PTPRG: variants seen among roughly 807,000 people sequenced by gnomAD.
PTPRG encodes protein tyrosine phosphatase receptor type G.
In PTPRG, 102 loss-of-function variants were observed where a neutral mutation model predicts 165.3. The ratio of observed to expected loss-of-function variants is 0.62; its 90% confidence interval spans 0.53 to 0.73. The LOEUF is 0.73. PTPRG is among the 30% of genes least tolerant of loss of function. The probability of loss-of-function intolerance (pLI) is 0.00; values close to 1 mark genes in which losing one functional copy is unlikely to be tolerated. For synonymous variants in PTPRG, 675 were observed against 669.5 expected (o/e 1.01, Z -0.13); for missense variants, 1,866 against 1,861.4 (o/e 1.00, Z -0.05).
chr3:61,746,773 G>T (rs1185730137), intron 1 of PTPRG, among the ~76,000 whole-genome samples: 1 of 152,146 alleles, frequency 6.6e-6, no homozygotes, highest in Admixed American at 6.5e-5. Context: ...GCTGTCCAAT[G>T]CGTGATACAC....
rs2106888610 is a variant in PTPRG at position 62,219,765 on chromosome 3, C to T, written c.2288+782C>T. ...TCTTTCCATTCACTCAATTTTGAGCCCACACTTTGTGCCAGTCTTCTAGAC... is the reference window on the plus strand; with the variant it reads ...TCTTTCCATTCACTCAATTTTGAGCTCACACTTTGTGCCAGTCTTCTAGAC... On this transcript the variant is annotated intron_variant, in intron 13 of 29. Coordinates refer to ENST00000474889, the MANE Select transcript of PTPRG (RefSeq NM_002841.4). This position sits in a 1 kb window ranked among gnomAD's most constrained non-coding sequence, Gnocchi z 4.5. Among the ~76,000 whole-genome samples, 1 of 152,314 alleles carries T rather than the reference C, an allele frequency of 6.6e-6. No individual in the cohort carries two copies. The highest frequency in any genetic ancestry group is 2.4e-5 in the African/African-American group (1 of 41,568).
chr3:62,138,622 G>A (rs1486360005), intron 6 of PTPRG, among the ~76,000 whole-genome samples: 1 of 150,364 alleles, frequency 6.7e-6, no homozygotes, highest in Non-Finnish European at 1.5e-5. Context: ...GGGAGGCTGA[G>A]GCAGGAGAAT....
At chr3:61,746,865 C>G (rs1322588575) in intron 1 of PTPRG, among the ~76,000 whole-genome samples, 1 of 152,136 alleles carries the variant, frequency 6.6e-6, no homozygotes, top group Non-Finnish European at 1.5e-5. Context: ...CACTAAAAAG[C>G]ACTAGGGCTG....
rs116923774 is a variant in PTPRG at position 61,878,783 on chromosome 3, C to T, written c.191-110842C>T. ...CCTCCCAAAGTGCTTGCATTACAGG[C>T]ATAAGCCACTGTGCCTGGCCCCCAG... On this transcript the variant is annotated intron_variant, in intron 2 of 29. Coordinates refer to ENST00000474889, the MANE Select transcript of PTPRG (RefSeq NM_002841.4). Among the ~76,000 whole-genome samples, 86 of 152,290 alleles carry T rather than the reference C, an allele frequency of 5.6e-4. 1 individual carries two copies. The East Asian group carries it at 6.9e-3, about 12-fold the overall frequency.
At chr3:61,823,669 T>C (rs1044779639) in intron 2 of PTPRG, among the ~76,000 whole-genome samples, 2 of 152,214 alleles carry the variant, frequency 1.3e-5, no homozygotes, top group Non-Finnish European at 2.9e-5. Context: ...TTTTGTAGAC[T>C]AGCTTAATAA....
At chr3:61,767,240 C>CAAAAAAAAAAAA (rs71100976) in intron 2 of PTPRG, among the ~76,000 whole-genome samples, 3 of 111,548 alleles carry the variant, frequency 2.7e-5, no homozygotes, top group African/African-American at 6.8e-5. Flanking sequence ...GATTCCATCT[C>CAAAAAAAAAAAA]AAAAAAAAAA....
intron 4 of PTPRG, among the ~76,000 whole-genome samples, chr3:62,069,186 G>C (rs1187982220): frequency 6.6e-6 from 1 of 152,182 alleles, no homozygotes; most frequent in Non-Finnish European, 1.5e-5. Context: ...TGTTTCATCA[G>C]TTTTTACTTC....
At chr3:61,736,944 G>C (rs993679256) in intron 1 of PTPRG, among the ~76,000 whole-genome samples, 5 of 152,120 alleles carry the variant, frequency 3.3e-5, no homozygotes, top group Non-Finnish European at 5.9e-5. Context: ...TGCCATGTTG[G>C]TTCTTCATTG....
chr3:62,085,756 G>A (rs1367914971), intron 5 of PTPRG, among the ~76,000 whole-genome samples: 1 of 151,952 alleles, frequency 6.6e-6, no homozygotes, highest in Admixed American at 6.6e-5. Context: ...AGATTTTCTT[G>A]CTTATGTATT....
chr3:62,150,197 A>C (rs1416659332), intron 6 of PTPRG, among the ~76,000 whole-genome samples: 1 of 152,256 alleles, frequency 6.6e-6, no homozygotes, highest in African/African-American at 2.4e-5. Flanking sequence ...AGCAGCCGTG[A>C]ATGGAGTAAT....
At chr3:61,892,260 T>C (rs1357621773) in intron 2 of PTPRG, among the ~76,000 whole-genome samples, 3 of 152,218 alleles carry the variant, frequency 2.0e-5, no homozygotes, top group African/African-American at 7.2e-5. Flanking sequence ...AGAGTCTTGC[T>C]TTGTTGCCCA....
chr3:61,861,171 A>C (rs1221144972), intron 2 of PTPRG, among the ~76,000 whole-genome samples: 1 of 152,218 alleles, frequency 6.6e-6, no homozygotes, highest in Non-Finnish European at 1.5e-5. Context: ...AAAATATAGA[A>C]TGTTACTTTA....
At chr3:61,991,815 C>G (rs577603107) in intron 3 of PTPRG, among the ~76,000 whole-genome samples, 4 of 152,284 alleles carry the variant, frequency 2.6e-5, no homozygotes, top group African/African-American at 9.6e-5. Context: ...CAGCCTTCGG[C>G]AAAGATAACA....
intron 2 of PTPRG, among the ~76,000 whole-genome samples, chr3:61,982,150 G>A (rs1443579010): frequency 1.3e-5 from 2 of 152,044 alleles, no homozygotes; most frequent in Non-Finnish European, 1.5e-5. Context: ...ACTATTTGGG[G>A]GTGTACCTAA....
chr3:62,022,285 C>T (rs72887831), intron 4 of PTPRG, among the ~76,000 whole-genome samples: 1 of 152,286 alleles, frequency 6.6e-6, no homozygotes, highest in African/African-American at 2.4e-5. Context: ...CTAATTTCAA[C>T]ATGTGAGAAG....
chr3:62,082,768 GA>G (rs1701624049), intron 5 of PTPRG, among the ~76,000 whole-genome samples: 1 of 152,206 alleles, frequency 6.6e-6, no homozygotes, highest in Non-Finnish European at 1.5e-5. Context: ...GTGAAGGAAG[GA>G]AGAACAACCT....
At chr3:61,751,586 T>G (rs112960999) in intron 2 of PTPRG, among the ~76,000 whole-genome samples, 5 of 152,222 alleles carry the variant, frequency 3.3e-5, no homozygotes, top group African/African-American at 1.2e-4. Context: ...CAAAGCGAAG[T>G]TTTGTTAATA....
chr3:61,934,691 C>T (rs1004227229), intron 2 of PTPRG, among the ~76,000 whole-genome samples: 1 of 152,086 alleles, frequency 6.6e-6, no homozygotes, highest in African/African-American at 2.4e-5. Context: ...GTGCTGCTCC[C>T]ACTCTTGTCC....
chr3:61,817,032 G>A (rs898233708), intron 2 of PTPRG, among the ~76,000 whole-genome samples: 3 of 126,688 alleles, frequency 2.4e-5, no homozygotes, highest in South Asian at 2.3e-4. Flanking sequence ...ATAATATATA[G>A]TATATAATAT....
Sources: allele counts gnomAD v4.1 joint callset (sites outside exome capture counted in the v4.1 genomes callset), GRCh38; gene constraint gnomAD v4.1.1; non-coding constraint Gnocchi (gnomAD v3.1); transcripts MANE v1.5; gene names NCBI Gene and HGNC (gene_info 2026-07-23, HGNC 2026-07-21).